The following THSD4 variants were observed in gnomAD, a reference collection of about 807,000 sequenced individuals.
THSD4 encodes thrombospondin type-1 domain-containing protein 4.
A neutral mutation model predicts 119.0 loss-of-function variants in THSD4; 69 were observed. That is an observed-to-expected ratio of 0.58 (90% CI 0.48 to 0.71). The LOEUF (loss-of-function observed/expected upper bound fraction) is 0.71. THSD4 is among the 30% of genes least tolerant of loss of function. The pLI is 0.00. For synonymous variants in THSD4, 524 were observed against 540.4 expected (o/e 0.97, Z 0.42); for missense variants, 1,393 against 1,391.1 (o/e 1.00, Z -0.02).
chr15:71,315,376 T>C (rs538236348), intron 6 of THSD4, among the ~76,000 whole-genome samples: 1 of 152,254 alleles, frequency 6.6e-6, no homozygotes, highest in Non-Finnish European at 1.5e-5. Flanking sequence ...GAGCCTTGCA[T>C]GAACTGGTTC....
chr15:71,393,658 C>G (rs1055155828), intron 6 of THSD4, among the ~76,000 whole-genome samples: 5 of 152,070 alleles, frequency 3.3e-5, no homozygotes, highest in African/African-American at 2.4e-5. Flanking sequence ...TATTCATCCC[C>G]CTCTGTACAG....
chr15:71,604,686 C>G (rs1488879025), intron 7 of THSD4, among the ~76,000 whole-genome samples: 1 of 152,162 alleles, frequency 6.6e-6, no homozygotes, highest in Non-Finnish European at 1.5e-5. Context: ...TTCTAGCAAG[C>G]AAGGGCTAGG....
intron 8 of THSD4, among the ~76,000 whole-genome samples, chr15:71,718,788 G>A (rs981987177): frequency 1.3e-5 from 2 of 151,914 alleles, no homozygotes; most frequent in Non-Finnish European, 2.9e-5. Flanking sequence ...TCCTCTGTCC[G>A]GTGACCCACT....
chr15:71,180,422 A>T (rs2141420838), intron 3 of THSD4, among the ~76,000 whole-genome samples: 1 of 152,346 alleles, frequency 6.6e-6, no homozygotes, highest in African/African-American at 2.4e-5. Flanking sequence ...GGATGATAGT[A>T]AGGGAAGAAA....
At chr15:71,199,949 C>T (rs1380524877) in intron 3 of THSD4, among the ~76,000 whole-genome samples, 2 of 41,990 alleles carry the variant, frequency 4.8e-5, no homozygotes, top group African/African-American at 1.2e-4. Context: ...GGCAGGGTGT[C>T]TGAATTGTCT....
intron 7 of THSD4, among the ~76,000 whole-genome samples, chr15:71,598,725 C>G (rs961198817): frequency 7.9e-5 from 12 of 152,218 alleles, no homozygotes; most frequent in Admixed American, 2.0e-4. Flanking sequence ...TCAGGTGATC[C>G]TCCTGCCACA....
chr15:71,574,532 C>G (rs182521606), intron 7 of THSD4, among the ~76,000 whole-genome samples: 10 of 152,258 alleles, frequency 6.6e-5, no homozygotes, highest in Admixed American at 2.0e-4. Context: ...GTACCAATAA[C>G]TGGGTCCTGA....
chr15:71,687,740 AGT>A (rs892648819), intron 8 of THSD4, among the ~76,000 whole-genome samples: 23 of 135,978 alleles, frequency 1.7e-4, no homozygotes, highest in African/African-American at 6.0e-4. Flanking sequence ...GGGCAACAAG[AGT>A]GAAACTCTGT....
intron 8 of THSD4, among the ~76,000 whole-genome samples, chr15:71,685,762 G>A (rs2051894845): frequency 6.6e-6 from 1 of 152,014 alleles, no homozygotes; most frequent in Non-Finnish European, 1.5e-5. Context: ...TTTCTTAAAG[G>A]TTAGTTGCAA....
chr15:71,299,078 G>T (rs182611654), intron 6 of THSD4, among the ~76,000 whole-genome samples: 269 of 152,254 alleles, frequency 1.8e-3, no homozygotes, highest in Non-Finnish European at 3.4e-3. Flanking sequence ...TGGACAGGAG[G>T]AACAATAACC....
intron 17 of THSD4, among the ~76,000 whole-genome samples, chr15:71,774,268 A>G (rs976065794): frequency 3.3e-5 from 5 of 149,880 alleles, no homozygotes; most frequent in Non-Finnish European, 7.4e-5. Context: ...CCATGATCGC[A>G]CTACTGCACT....
At chr15:71,477,131 A>G (rs867819388) in intron 7 of THSD4, among the ~76,000 whole-genome samples, 2 of 152,380 alleles carry the variant, frequency 1.3e-5, no homozygotes, top group East Asian at 3.9e-4. Flanking sequence ...TTCAGAAACC[A>G]GAGCTACAAC....
intron 8 of THSD4, among the ~76,000 whole-genome samples, chr15:71,664,947 G>A (rs1206846681): frequency 6.6e-6 from 1 of 152,124 alleles, no homozygotes; most frequent in Non-Finnish European, 1.5e-5. Context: ...TAGTGCTGCA[G>A]TGAACATATG....
intron 6 of THSD4, among the ~76,000 whole-genome samples, chr15:71,379,556 T>A (rs916619868): frequency 2.1e-5 from 3 of 144,784 alleles, no homozygotes; most frequent in Non-Finnish European, 4.5e-5. Flanking sequence ...CCTCCAGGGT[T>A]CACGCCATTC....
intron 1 of THSD4, among the ~76,000 whole-genome samples, chr15:71,135,363 T>TAA (rs144312611): frequency 0.1 from 4,879 of 48,864 alleles, 118 homozygotes; most frequent in African/African-American, 0.16. Context: ...TAAAGTATAA[T>TAA]AAAAAAAAAA....
At chr15:71,558,487 TTTTTG>T (rs879831247) in intron 7 of THSD4, among the ~76,000 whole-genome samples, 8 of 152,184 alleles carry the variant, frequency 5.3e-5, no homozygotes, top group Non-Finnish European at 1.2e-4. Context: ...TTTTAAGGTT[TTTTTG>T]TTTTGTTTTA....
chr15:71,100,252 CT>C (rs2040248510), intron 1 of THSD4, among the ~76,000 whole-genome samples: 1 of 152,184 alleles, frequency 6.6e-6, no homozygotes, highest in African/African-American at 2.4e-5. Flanking sequence ...TGGAATGTCA[CT>C]TTTGTGATTG....
At chr15:71,132,740 C>T (rs959678311) in intron 1 of THSD4, among the ~76,000 whole-genome samples, 1 of 152,200 alleles carries the variant, frequency 6.6e-6, no homozygotes, top group Admixed American at 6.5e-5. Flanking sequence ...GTGGTGTTTA[C>T]TGTGTTTATT....
At position 71,235,445 on chromosome 15, in the gene THSD4, C is replaced by T. The variant is rs12101447; in HGVS notation, c.465-7204C>T. Among the ~76,000 whole-genome samples the T allele has an allele frequency of 7.0e-3, 1,066 of 152,192 alleles. 20 individuals carry two copies. Among genetic ancestry groups the T allele is most frequent in the African/African-American group, 0.024 (986 of 41,494 alleles). Reference sequence around the variant, plus strand: ...GAATCTAGTACGGGGACTTAGATTCCCCACTATTCAGCTTTCTCCAACAAT... The same window carrying T: ...GAATCTAGTACGGGGACTTAGATTCTCCACTATTCAGCTTTCTCCAACAAT... On this transcript the variant is annotated intron_variant, in intron 4 of 17. Coordinates refer to ENST00000261862, the MANE Select transcript of THSD4 (RefSeq NM_024817.3).
Sources: gnomAD v4.1 joint callset for allele counts (sites outside exome capture counted in the v4.1 genomes callset) on GRCh38, gnomAD v4.1.1 for gene constraint, MANE v1.5 for transcripts, NCBI Gene and HGNC (gene_info 2026-07-23, HGNC 2026-07-21) for gene names.